Variants in MPRIP observed in about 807,000 individuals in gnomAD.
MPRIP encodes the protein myosin phosphatase Rho-interacting protein.
In MPRIP, 59 loss-of-function variants were observed where a neutral mutation model predicts 234.9. The ratio of observed to expected loss-of-function variants is 0.25; its 90% CI spans 0.20 to 0.31. The LOEUF (loss-of-function observed/expected upper bound fraction) is 0.31. Among genes scored for constraint, MPRIP ranks in the 10% least tolerant of loss-of-function variants. The pLI is 1.00. For synonymous variants in MPRIP, 1,144 were observed against 1,263.9 expected (o/e 0.91, Z 2.01); for missense variants, 2,436 against 3,071.0 (o/e 0.79, Z 4.89).
intron 3 of MPRIP, among the ~76,000 whole-genome samples, chr17:17,123,703 CAAAAAAAA>C (rs371753802): frequency 1.3e-4 from 8 of 59,296 alleles, no homozygotes; most frequent in African/African-American, 3.7e-4. Context: ...GACTTCGTCT[CAAAAAAAA>C]AAAAAAAAAA....
rs576533355 is a variant in MPRIP, at chr17:17,100,276, G to C, written c.267+22200G>C. Among the ~76,000 whole-genome samples, 3 of 152,340 alleles carry C rather than the reference G, an allele frequency of 2.0e-5. No individual in the cohort carries two copies. In the East Asian group the frequency reaches 5.8e-4, roughly 29 times the overall value. On this transcript the variant is annotated intron_variant, in intron 3 of 23. Coordinates refer to ENST00000651222, the MANE Select transcript of MPRIP (RefSeq NM_001364716.4). ...GAATCACCAAGTTCAGTCTGGCTTG[G>C]AGAGCATGGCACGGCTGACCCAGTG...
Position 17,142,751 on chromosome 17 carries a change from T to C in MPRIP, c.1375T>C (p.Phe459Leu), listed in dbSNP as rs770542092. 2.5e-6 allele frequency: 4 copies of C among 1,612,458 alleles called. No homozygotes were observed. In the Admixed American group the frequency reaches 6.7e-5, roughly 27 times the overall value. The change falls in exon 8 of 24, where the codon TTC (phenylalanine) becomes CTC (leucine). Residue 459 changes from phenylalanine (F) to leucine (L), a missense_variant. Physicochemically the swap from Phe to Leu is conservative, Grantham distance 22. Coordinates refer to ENST00000651222, the MANE Select transcript of MPRIP (RefSeq NM_001364716.4). ...CCAGGGCCGCAGCGAGAAGAGGGCG[T>C]TCCCTAGGAAGCGGGTGAGCTCCTG... The part of the protein sequence containing the change: ...TRQGRSEKRA[F>L]PRKRDFTNEA...
At chr17:17,110,307 AC>A (rs2144276046) in intron 3 of MPRIP, among the ~76,000 whole-genome samples, 1 of 152,048 alleles carries the variant, frequency 6.6e-6, no homozygotes, top group Admixed American at 6.5e-5. Flanking sequence ...GAGCCAAATA[AC>A]CCTCTTTTTC....
chr17:17,064,138 G>C (rs2088948522), intron 1 of MPRIP, among the ~76,000 whole-genome samples: 1 of 152,144 alleles, frequency 6.6e-6, no homozygotes, highest in Non-Finnish European at 1.5e-5. Context: ...GCCATACCCT[G>C]TAGACCCCTG....
At chr17:17,121,982 G>C (rs1325564779) in intron 3 of MPRIP, among the ~76,000 whole-genome samples, 3 of 152,206 alleles carry the variant, frequency 2.0e-5, no homozygotes, top group African/African-American at 7.2e-5. Flanking sequence ...TCCCTGCAAA[G>C]GGTATTATCT....
intron 3 of MPRIP, among the ~76,000 whole-genome samples, chr17:17,113,061 G>A (rs2090205578): frequency 1.3e-5 from 2 of 152,200 alleles, no homozygotes; most frequent in Admixed American, 1.3e-4. Flanking sequence ...ACTCCCCAGG[G>A]TTGGGGCTGG....
At chr17:17,045,746 G>A (rs2088325363) in intron 1 of MPRIP, among the ~76,000 whole-genome samples, 1 of 151,928 alleles carries the variant, frequency 6.6e-6, no homozygotes, top group Non-Finnish European at 1.5e-5. Context: ...TGTTCACAGA[G>A]TGTCATTTAT....
chr17:17,105,629 G>A (rs997543218), intron 3 of MPRIP, among the ~76,000 whole-genome samples: 6 of 152,202 alleles, frequency 3.9e-5, no homozygotes, highest in African/African-American at 1.4e-4. Context: ...TCACTCACTG[G>A]TGGTGGTGTG....
intron 3 of MPRIP, among the ~76,000 whole-genome samples, chr17:17,114,104 G>A (rs1279965124): frequency 6.6e-6 from 1 of 151,934 alleles, no homozygotes. Flanking sequence ...TCTTGCCCAG[G>A]TTGGTCTCAA....
chr17:17,121,981 A>C (rs190294049), intron 3 of MPRIP, among the ~76,000 whole-genome samples: 1 of 152,314 alleles, frequency 6.6e-6, no homozygotes, highest in Admixed American at 6.5e-5. Context: ...GTCCCTGCAA[A>C]GGGTATTATC....
chr17:17,115,555 T>C (rs1204885756), intron 3 of MPRIP, among the ~76,000 whole-genome samples: 1 of 152,214 alleles, frequency 6.6e-6, no homozygotes. Context: ...TTTTGTTTTG[T>C]TTGAAGTGTA....
In MPRIP at chr17:17,166,553, C is replaced by G. The variant is rs1361990415; in HGVS notation, c.4962C>G (p.Ile1654Met). 2 of 1,304,252 alleles carry G rather than the reference C, an allele frequency of 1.5e-6. No homozygotes were observed. Among genetic ancestry groups the G allele is most frequent in the East Asian group, 5.6e-5 (1 of 18,016 alleles). The allele number at this position is 1,304,252 out of a possible 1,614,324, so 80.8% of individuals were successfully genotyped here. Reference sequence around the variant, plus strand: ...CCTCAGGAGACGGGCAGCAAAGCATCCCACAGGGCCTGGCCCCCATCCTGG... The same window carrying G: ...CCTCAGGAGACGGGCAGCAAAGCATGCCACAGGGCCTGGCCCCCATCCTGG... ...VGASGDGQQSIPQGLAPILAN... is the reference protein window; with the variant it reads ...VGASGDGQQSMPQGLAPILAN... The change falls in exon 16 of 24, where the codon ATC becomes ATG. Residue 1654 changes from isoleucine (I) to methionine (M), a missense_variant. Physicochemically the swap from Ile to Met is conservative, Grantham distance 10 (BLOSUM62 1). This residue lies in a region of MPRIP where 1,998 missense variants were observed against 2,520.3 expected (regional missense o/e 0.79). Transcript: ENST00000651222. This position sits in a 1 kb window ranked among gnomAD's most constrained non-coding sequence, Gnocchi z 4.4.
chr17:17,097,563 C>T (rs1238647759), intron 3 of MPRIP, among the ~76,000 whole-genome samples: 2 of 152,234 alleles, frequency 1.3e-5, no homozygotes, highest in African/African-American at 4.8e-5. Context: ...TTAATAGCTA[C>T]ACCCCATTCC....
intron 23 of MPRIP, chr17:17,180,604 C>A: frequency 6.2e-7 from 1 of 1,613,500 alleles, no homozygotes; most frequent in Non-Finnish European, 8.5e-7. Flanking sequence ...TCTCCTCTGA[C>A]AGTCCGTAAT....
chr17:17,083,302 C>G (rs925772715), intron 3 of MPRIP, among the ~76,000 whole-genome samples: 1 of 152,198 alleles, frequency 6.6e-6, no homozygotes, highest in Non-Finnish European at 1.5e-5. Flanking sequence ...ATTTGGGGTG[C>G]CTGTGTACTT....
At chr17:17,088,855 C>T (rs555522727) in intron 3 of MPRIP, among the ~76,000 whole-genome samples, 1 of 152,210 alleles carries the variant, frequency 6.6e-6, no homozygotes, top group Admixed American at 6.5e-5. Flanking sequence ...AAAATCTTTT[C>T]TTTGGCCGGG....
intron 3 of MPRIP, among the ~76,000 whole-genome samples, chr17:17,084,862 A>G (rs902544422): frequency 1.3e-5 from 2 of 152,202 alleles, no homozygotes; most frequent in South Asian, 2.1e-4. Flanking sequence ...ATATGAATAT[A>G]TATTCAGAGA....
intron 3 of MPRIP, among the ~76,000 whole-genome samples, chr17:17,110,840 T>G (rs1235651028): frequency 6.6e-6 from 1 of 152,172 alleles, no homozygotes; most frequent in East Asian, 1.9e-4. Flanking sequence ...TGAGAAACTG[T>G]TGCAGCCAAA....
Position 17,166,836 on chromosome 17 carries a change from C to A in MPRIP, c.5245C>A (p.Pro1749Thr). ...DGVQLSWDLS[P>T]LGEVLGRDSD... ...TGTTCAGCTGTCCTGGGACCTGAGC[C>A]CCTTAGGAGAAGTCCTGGGCCGAGA... The change falls in exon 16 of 24, where the codon CCC (proline) becomes ACC (threonine). Residue 1749 changes from proline (P) to threonine (T), a missense_variant. By Grantham distance (38) the Pro-to-Thr change is conservative (BLOSUM62 -1). Transcript: ENST00000651222. The surrounding 1 kb of genome is among the most constrained non-coding windows in gnomAD (Gnocchi z 4.4). 7.7e-7 allele frequency: 1 copy of A among 1,304,100 alleles called. No individual in the cohort carries two copies. Among genetic ancestry groups the A allele is most frequent in the Non-Finnish European group, 1.0e-6 (1 of 988,944 alleles). 80.8% of individuals were successfully genotyped at this position (1,304,100 alleles called of 1,614,324 possible).
Sources: gnomAD v4.1 joint callset for allele counts (sites outside exome capture counted in the v4.1 genomes callset) on GRCh38, gnomAD v4.1.1 for gene constraint, gnomAD v4.1.1 regional missense constraint, Gnocchi (gnomAD v3.1) non-coding constraint, MANE v1.5 for transcripts, NCBI Gene and HGNC (gene_info 2026-07-23, HGNC 2026-07-21) for gene names.